BCAR3: variants seen among roughly 807,000 people sequenced by gnomAD.
BCAR3 encodes breast cancer anti-estrogen resistance protein 3.
A neutral mutation model predicts 80.1 loss-of-function variants in BCAR3; 37 were observed. That is an observed-to-expected ratio of 0.46 (90% CI 0.36 to 0.61). The LOEUF is 0.61. Among genes scored for constraint, BCAR3 ranks in the 20% least tolerant of loss-of-function variants. The pLI, the probability that BCAR3 is intolerant of heterozygous loss-of-function variation, is 0.00. For synonymous variants in BCAR3, 389 were observed against 418.9 expected (o/e 0.93, Z 0.87); for missense variants, 978 against 1,068.2 (o/e 0.92, Z 1.18).
At chr1:93,589,807 A>C (rs1674097358) in intron 4 of BCAR3, among the ~76,000 whole-genome samples, 1 of 152,176 alleles carries the variant, frequency 6.6e-6, no homozygotes, top group Non-Finnish European at 1.5e-5. Flanking sequence ...AGTGCCGGGG[A>C]GGGGATGAGG....
chr1:93,844,094 G>A (rs1266001224), intron 2 of BCAR3, among the ~76,000 whole-genome samples: 1 of 152,188 alleles, frequency 6.6e-6, no homozygotes, highest in Non-Finnish European at 1.5e-5. Flanking sequence ...AGGTCACAAG[G>A]TCAGGAGTTC....
intron 2 of BCAR3, among the ~76,000 whole-genome samples, chr1:93,817,400 G>A (rs183167300): frequency 6.6e-6 from 1 of 152,324 alleles, no homozygotes; most frequent in Non-Finnish European, 1.5e-5. Flanking sequence ...ATTGAGCACT[G>A]TGCTAAGTAT....
intron 2 of BCAR3, among the ~76,000 whole-genome samples, chr1:93,772,209 CT>C (rs1394465321): frequency 1.3e-5 from 2 of 152,138 alleles, no homozygotes; most frequent in Non-Finnish European, 2.9e-5. Flanking sequence ...CCACTGAAGG[CT>C]TTTAAGCAGG....
At chr1:93,642,858 C>T (rs1381115599) in intron 2 of BCAR3, among the ~76,000 whole-genome samples, 5 of 152,346 alleles carry the variant, frequency 3.3e-5, no homozygotes, top group Admixed American at 6.5e-5. Context: ...CTCTTCTCAT[C>T]GCTGGCTGTT....
chr1:93,808,182 G>A (rs375946545), intron 2 of BCAR3, among the ~76,000 whole-genome samples: 9 of 152,064 alleles, frequency 5.9e-5, no homozygotes, highest in Admixed American at 4.6e-4. Flanking sequence ...AGTTTAACAC[G>A]TTAAAGCACC....
chr1:93,749,586 C>CAAAA (rs1160570100), intron 2 of BCAR3, among the ~76,000 whole-genome samples: 1 of 69,422 alleles, frequency 1.4e-5, no homozygotes. Flanking sequence ...GAGACTCCGT[C>CAAAA]AAAAAAAAAA....
chr1:93,780,353 T>C (rs1192950796), intron 2 of BCAR3, among the ~76,000 whole-genome samples: 4 of 152,218 alleles, frequency 2.6e-5, no homozygotes, highest in African/African-American at 9.6e-5. Flanking sequence ...TGACTCATAA[T>C]GTTTCTTCCA....
At chr1:93,690,855 C>A (rs1000044965) in intron 3 of BCAR3, among the ~76,000 whole-genome samples, 1 of 152,110 alleles carries the variant, frequency 6.6e-6, no homozygotes, top group Non-Finnish European at 1.5e-5. Flanking sequence ...GTTTTCTAGG[C>A]CATTTTCTTG....
chr1:93,718,688 C>CTTTTTTTTTTTTTTTTTTTTTTTTTTTTT (rs71094259), intron 2 of BCAR3, among the ~76,000 whole-genome samples: 1 of 77,042 alleles, frequency 1.3e-5, no homozygotes, highest in Non-Finnish European at 2.4e-5. Context: ...CATTGTTTTT[C>CTTTTTTTTTTTTTTTTTTTTTTTTTTTTT]TTTTTTTTTT....
chr1:93,718,842 T>G (rs1180820039), intron 2 of BCAR3, among the ~76,000 whole-genome samples: 1 of 151,228 alleles, frequency 6.6e-6, no homozygotes, highest in Non-Finnish European at 1.5e-5. Context: ...ACTACAGGCA[T>G]GCACCACCAC....
chr1:93,652,922 A>G (rs1676368420), intron 2 of BCAR3, among the ~76,000 whole-genome samples: 1 of 152,250 alleles, frequency 6.6e-6, no homozygotes, highest in African/African-American at 2.4e-5. Flanking sequence ...TTCAAACTTT[A>G]GAAATGTTTA....
Position 93,663,404 on chromosome 1 carries a change from C to T in BCAR3, c.317+11210G>A, listed in dbSNP as rs553723974. On this transcript the variant is annotated intron_variant, in intron 2 of 11. Transcript: ENST00000260502. ...GGAAAGCACAGAGGAAGTGGCAGCA[C>T]AGAGAAGGCAGGTCCAAAGGAAAGG... Among the ~76,000 whole-genome samples, 7 of 152,254 alleles carry T rather than the reference C, an allele frequency of 4.6e-5. No individual in the cohort carries two copies. The South Asian group carries it at 1.5e-3, about 32-fold the overall frequency.
chr1:93,776,971 G>A (rs1393252608), intron 2 of BCAR3, among the ~76,000 whole-genome samples: 1 of 152,104 alleles, frequency 6.6e-6, no homozygotes, highest in Non-Finnish European at 1.5e-5. Flanking sequence ...TTAAAATGAG[G>A]TCATACTGGA....
At chr1:93,724,398 A>G (rs1304381535) in intron 2 of BCAR3, among the ~76,000 whole-genome samples, 1 of 152,202 alleles carries the variant, frequency 6.6e-6, no homozygotes, top group Non-Finnish European at 1.5e-5. Flanking sequence ...GGGCCTTCAT[A>G]CACAGGAGCC....
chr1:93,603,695 G>A (rs549954748), intron 3 of BCAR3, among the ~76,000 whole-genome samples: 5 of 152,172 alleles, frequency 3.3e-5, no homozygotes, highest in Non-Finnish European at 5.9e-5. Context: ...CTGGAACACC[G>A]TGCCTTAAAT....
chr1:93,788,905 A>G (rs546462301), intron 2 of BCAR3, among the ~76,000 whole-genome samples: 18 of 152,302 alleles, frequency 1.2e-4, no homozygotes, highest in Non-Finnish European at 2.5e-4. Flanking sequence ...AACTTAGGCT[A>G]AAAGTTAGAG....
intron 7 of BCAR3, among the ~76,000 whole-genome samples, chr1:93,579,150 C>T (rs1344886137): frequency 6.6e-6 from 1 of 152,162 alleles, no homozygotes; most frequent in Admixed American, 6.5e-5. Flanking sequence ...CACCCACTGT[C>T]CTGATGGCCT....
rs138187179 is a variant in BCAR3, at chr1:93,814,022, G to A, written c.-63+31545C>T. On this transcript the variant is annotated intron_variant, in intron 2 of 13. Coordinates refer to the BCAR3 transcript ENST00000370244. ...TCTGGTATTTCAGGATTAGGTTTAGGTAAATTTTTTATGACAGGAAAATCA... is the reference window on the plus strand; with the variant it reads ...TCTGGTATTTCAGGATTAGGTTTAGATAAATTTTTTATGACAGGAAAATCA... Among the ~76,000 whole-genome samples, 688 of 152,274 alleles carry A rather than the reference G, an allele frequency of 4.5e-3. 3 individuals carry two copies. Among genetic ancestry groups the A allele is most frequent in the African/African-American group, 0.016 (663 of 41,558 alleles).
intron 3 of BCAR3, among the ~76,000 whole-genome samples, chr1:93,595,080 C>G (rs1173628331): frequency 6.6e-6 from 1 of 152,166 alleles, no homozygotes; most frequent in African/African-American, 2.4e-5. Flanking sequence ...TAAATTATTG[C>G]TCTTTCTCCC....
Sources: gnomAD v4.1 joint callset for allele counts (sites outside exome capture counted in the v4.1 genomes callset) on GRCh38, gnomAD v4.1.1 for gene constraint, MANE v1.5 for transcripts, NCBI Gene and HGNC (gene_info 2026-07-23, HGNC 2026-07-21) for gene names.